Variants in RYR2 observed in about 807,000 individuals in gnomAD.
RYR2 encodes the protein ryanodine receptor 2.
A neutral mutation model predicts 601.1 loss-of-function variants in RYR2; 227 were observed. That is an observed-to-expected ratio of 0.38 (90% CI 0.34 to 0.42). The LOEUF (loss-of-function observed/expected upper bound fraction) is 0.42, where lower values mean the gene tolerates loss of function less well. Among genes scored for constraint, RYR2 ranks in the 10% least tolerant of loss-of-function variants. The pLI is 1.00. For missense variants in RYR2, 4,646 were observed against 6,156.5 expected, an observed-to-expected ratio of 0.75 and a Z score of 8.21; for synonymous variants, 2,223 against 2,175.1, an observed-to-expected ratio of 1.02 and a Z score of -0.61.
intron 25 of RYR2, among the ~76,000 whole-genome samples, chr1:237,531,188 G>A (rs1668105535): frequency 6.6e-6 from 1 of 151,864 alleles, no homozygotes; most frequent in Admixed American, 6.6e-5. Flanking sequence ...AAATATATTC[G>A]AGGATTAATT....
At chr1:237,554,465 G>A (rs945169091) in intron 27 of RYR2, among the ~76,000 whole-genome samples, 3 of 151,764 alleles carry the variant, frequency 2.0e-5, no homozygotes, top group South Asian at 4.1e-4. Flanking sequence ...TTCTTATAAT[G>A]TCTTTGTTAG....
rs933696793 is a variant in RYR2 at position 237,276,231 on chromosome 1, C to T, written c.168+5615C>T. Among the ~76,000 whole-genome samples the T allele has an allele frequency of 3.3e-5, 5 of 152,136 alleles. No individual in the cohort carries two copies. In the South Asian group the frequency reaches 6.2e-4, roughly 19 times the overall value. On this transcript the variant is annotated intron_variant, in intron 2 of 104. Transcript: ENST00000366574. ...TCTCCTTTCTCAGCCTCCCGAGTTG[C>T]TGAGATTACAGGCACCCACCACCAT...
At chr1:237,431,908 A>G (rs1706844622) in intron 12 of RYR2, among the ~76,000 whole-genome samples, 1 of 152,248 alleles carries the variant, frequency 6.6e-6, no homozygotes, top group Non-Finnish European at 1.5e-5. Flanking sequence ...TTTCTGTGCG[A>G]CTCATCAACA....
At chr1:237,598,630 A>G (rs1238549927) in intron 34 of RYR2, among the ~76,000 whole-genome samples, 1 of 152,150 alleles carries the variant, frequency 6.6e-6, no homozygotes, top group Admixed American at 6.5e-5. Context: ...TGGCGACACA[A>G]CATACCAAAA....
intron 84 of RYR2, among the ~76,000 whole-genome samples, chr1:237,769,897 T>A (rs1558377899): frequency 6.6e-6 from 1 of 152,158 alleles, no homozygotes; most frequent in Non-Finnish European, 1.5e-5. Context: ...CAGCTTCATT[T>A]GTGTGGTGCT....
rs148591542 is a variant in RYR2 at position 237,486,699 on chromosome 1, G to T, written c.1709-5107G>T. Among the ~76,000 whole-genome samples, 94 of 152,140 alleles carry T rather than the reference G, an allele frequency of 6.2e-4. 3 individuals are homozygous for T. The East Asian group carries it at 0.013, about 22-fold the overall frequency. ...TAGACATTACTTCCTATTGTTTTAT[G>T]ATTCTTTTAAAATACGTTTCTTACT... On this transcript the variant is annotated intron_variant, in intron 17 of 104. Transcript: ENST00000366574.
At chr1:237,216,788 A>C (rs1299517082) in intron 1 of RYR2, among the ~76,000 whole-genome samples, 1 of 152,036 alleles carries the variant, frequency 6.6e-6, no homozygotes, top group Non-Finnish European at 1.5e-5. Context: ...CAAAACAAAA[A>C]AAAGCAAGAA....
intron 84 of RYR2, 133 bp from the exon 85 acceptor site, chr1:237,770,674 T>C (rs1223739909): frequency 1.9e-6 from 1 of 532,352 alleles, no homozygotes; most frequent in South Asian, 2.6e-5. Flanking sequence ...GATAGAAAAG[T>C]GGCTATGACT....
chr1:237,812,276 T>C (rs1257024515), intron 100 of RYR2, among the ~76,000 whole-genome samples: 2 of 152,150 alleles, frequency 1.3e-5, no homozygotes, highest in Non-Finnish European at 2.9e-5. Context: ...TTAATTTTAG[T>C]GCTATTTTTA....
At chr1:237,770,924 CATAA>C in intron 85 of RYR2, 37 bp downstream of exon 85, 1 of 1,287,582 alleles carries the variant, frequency 7.8e-7, no homozygotes, top group Non-Finnish European at 1.1e-6. Context: ...GATACTAAGG[CATAA>C]ATAATGTTTT....
intron 1 of RYR2, among the ~76,000 whole-genome samples, chr1:237,268,579 G>C (rs1393353682): frequency 6.6e-6 from 1 of 152,040 alleles, no homozygotes; most frequent in Non-Finnish European, 1.5e-5. Flanking sequence ...TAAAAATATT[G>C]GGCTTTGCCT....
At chr1:237,390,444 A>G (rs1313227694) in intron 10 of RYR2, among the ~76,000 whole-genome samples, 2 of 152,178 alleles carry the variant, frequency 1.3e-5, no homozygotes, top group African/African-American at 4.8e-5. Context: ...TTATGGGGCT[A>G]TTGAAAAGAC....
At chr1:237,798,392 T>A (rs1224571084) in intron 97 of RYR2, among the ~76,000 whole-genome samples, 1 of 137,618 alleles carries the variant, frequency 7.3e-6, no homozygotes, top group Non-Finnish European at 1.6e-5. Flanking sequence ...CCTTTTAATA[T>A]TTATAAGAGA....
chr1:237,693,011 C>T (rs537768973), intron 63 of RYR2, among the ~76,000 whole-genome samples: 1 of 152,162 alleles, frequency 6.6e-6, no homozygotes, highest in South Asian at 2.1e-4. Context: ...AATGAGCCAC[C>T]CAGGTCCGGC....
rs1388964198 is a variant in RYR2, at chr1:237,511,570, G to A, written c.2719-118G>A. The stretch of plus-strand genomic sequence containing the variant: ...AGGTTGTGGGGGCAGCTTTGCAGGG[G>A]TAATGATCTGGGTGTTTCTTCTTGC... On this transcript the variant is annotated intron_variant, in intron 23 of 104. Coordinates refer to ENST00000366574, the MANE Select transcript of RYR2 (RefSeq NM_001035.3). 36 of 740,326 alleles carry A rather than the reference G, an allele frequency of 4.9e-5. No individual in the cohort carries two copies. In the Admixed American group the frequency reaches 7.1e-4, roughly 15 times the overall value. The allele number at this position is 740,326 out of a possible 1,614,324, so 45.9% of individuals were successfully genotyped here. A position where few individuals can be genotyped will look rare whatever the true frequency, so the allele number is the denominator to read the frequency against.
intron 1 of RYR2, among the ~76,000 whole-genome samples, chr1:237,100,263 T>G (rs952139595): frequency 1.3e-5 from 2 of 152,226 alleles, no homozygotes; most frequent in Non-Finnish European, 2.9e-5. Context: ...CATTATTTAC[T>G]AAGTCCCTCC....
At chr1:237,514,334 T>C (rs1666205568) in intron 24 of RYR2, among the ~76,000 whole-genome samples, 1 of 152,244 alleles carries the variant, frequency 6.6e-6, no homozygotes, top group Admixed American at 6.5e-5. Context: ...CTATTACATG[T>C]AATCCAGTGT....
At chr1:237,090,390 A>G (rs1666832608) in intron 1 of RYR2, among the ~76,000 whole-genome samples, 1 of 152,154 alleles carries the variant, frequency 6.6e-6, no homozygotes, top group South Asian at 2.1e-4. Context: ...TGAGAGGATT[A>G]CATGAGGGAG....
At chr1:237,381,377 A>T (rs556705126) in intron 8 of RYR2, among the ~76,000 whole-genome samples, 4 of 152,260 alleles carry the variant, frequency 2.6e-5, no homozygotes, top group African/African-American at 9.6e-5. Flanking sequence ...AAGATCTATC[A>T]TGTGAAAGCA....
Sources: gnomAD v4.1 joint callset for allele counts (sites outside exome capture counted in the v4.1 genomes callset) on GRCh38, gnomAD v4.1.1 for gene constraint, MANE v1.5 for transcripts, NCBI Gene and HGNC (gene_info 2026-07-23, HGNC 2026-07-21) for gene names.